The following PARD3 variants were observed in gnomAD, a reference collection of about 807,000 sequenced individuals.
The protein encoded by PARD3 is partitioning defective 3 homolog.
A neutral mutation model predicts 155.4 loss-of-function variants in PARD3; 75 were observed. The ratio of observed to expected loss-of-function variants is 0.48; its 90% confidence interval spans 0.40 to 0.58. PARD3 has a LOEUF of 0.58. Ranked by LOEUF, PARD3 falls within the 20% of genes least tolerant of loss-of-function variation. The probability of loss-of-function intolerance (pLI) is 0.00; values close to 1 mark genes in which losing one functional copy is unlikely to be tolerated. For synonymous variants in PARD3, 576 were observed against 610.5 expected (o/e 0.94, Z 0.83); for missense variants, 1,642 against 1,721.7 (o/e 0.95, Z 0.82).
At chr10:34,123,212 A>G (rs1186632753) in intron 23 of PARD3, among the ~76,000 whole-genome samples, 1 of 152,244 alleles carries the variant, frequency 6.6e-6, no homozygotes, top group East Asian at 1.9e-4. Context: ...ACACACGAGT[A>G]TATATTACAC....
rs1360392321 is a variant in PARD3 at position 34,605,956 on chromosome 10, ATATATCTCCTATATC to A, written c.223-88812_223-88798del. Among the ~76,000 whole-genome samples the A allele has an allele frequency of 9.8e-5, 12 of 122,616 alleles. No individual in the cohort carries two copies. In the South Asian group the frequency reaches 2.1e-3, roughly 22 times the overall value. The allele number at this position is 122,616 out of a possible 152,430, so 80.4% of individuals were successfully genotyped here. A position where few individuals can be genotyped will look rare whatever the true frequency, so the allele number is the denominator to read the frequency against. On this transcript the variant is annotated intron_variant, in intron 2 of 24. Coordinates refer to ENST00000374788, the MANE Select transcript of PARD3 (RefSeq NM_001184785.2). ...CTATATATATATATCTCCTATATAT[ATATATCTCCTATATC>A]TATATCTCCTATATATATATATCTC...
chr10:34,317,178 T>C lies in PARD3; in HGVS notation c.2994A>G (p.Lys998=), dbSNP rs1358784370. ...KKDKTGKEKK[K]DRDKEKDKMK... ...TTTTATCCTTCTCCTTATCTCTATC[T>C]TTCTTCTTTTCTTTTCCAGTTTTAT... The change falls in exon 20 of 25, where the codon AAA becomes AAG. Residue 998 remains lysine, a synonymous_variant. Coordinates refer to ENST00000374788, the MANE Select transcript of PARD3 (RefSeq NM_001184785.2). The C allele has an allele frequency of 6.2e-7, 1 of 1,609,760 alleles. No homozygotes were observed. Among genetic ancestry groups the C allele is most frequent in the Admixed American group, 1.7e-5 (1 of 59,320 alleles).
intron 16 of PARD3, among the ~76,000 whole-genome samples, chr10:34,340,033 T>G (rs1836635406): frequency 1.3e-5 from 2 of 152,218 alleles, no homozygotes; most frequent in Non-Finnish European, 2.9e-5. Context: ...TGGAAAAGCT[T>G]GCATTTTCTG....
At position 34,650,316 on chromosome 10, in the gene PARD3, G is replaced by A. The variant is rs899783313; in HGVS notation, c.222+46002C>T. 3.9e-5 allele frequency among the ~76,000 whole-genome samples: 6 copies of A among 152,318 alleles called. No homozygotes were observed. In the South Asian group the frequency reaches 1.0e-3, roughly 26 times the overall value. The stretch of plus-strand genomic sequence containing the variant: ...CTGCACTGCAGGTCGACACTACGAC[G>A]TCACTAGACAATAGGAACTTCTCAG... On this transcript the variant is annotated intron_variant, in intron 2 of 24. Transcript: ENST00000374788.
chr10:34,343,877 T>C, intron 15 of PARD3: 1 of 983,658 alleles, frequency 1.0e-6, no homozygotes, highest in African/African-American at 1.7e-5. Flanking sequence ...ACAAAATGTT[T>C]GTTTACTAAA....
chr10:34,461,916 A>C (rs2077677746), intron 4 of PARD3, among the ~76,000 whole-genome samples: 1 of 152,210 alleles, frequency 6.6e-6, no homozygotes, highest in Admixed American at 6.5e-5. Context: ...GGATTTTATC[A>C]CTTTGAACAC....
rs572926737 is a variant in PARD3 at position 34,158,833 on chromosome 10, A to G, written c.3420-27250T>C. 3.9e-5 allele frequency among the ~76,000 whole-genome samples: 6 copies of G among 152,350 alleles called. No individual in the cohort carries two copies. The East Asian group carries it at 7.7e-4, about 20-fold the overall frequency. ...TTAATTAATTGAAAGCTAAAGAGCC[A>G]AATGTGGCTGTGACTTCCATTGTGG... On this transcript the variant is annotated intron_variant, in intron 22 of 24. Coordinates refer to ENST00000374788, the MANE Select transcript of PARD3 (RefSeq NM_001184785.2).
intron 20 of PARD3, among the ~76,000 whole-genome samples, chr10:34,315,379 G>T (rs1957946574): frequency 6.6e-6 from 1 of 152,126 alleles, no homozygotes; most frequent in Admixed American, 6.5e-5. Flanking sequence ...GGAATTCTAA[G>T]ATATTAGAAG....
intron 22 of PARD3, among the ~76,000 whole-genome samples, chr10:34,212,021 CTT>C (rs34135178): frequency 2.0e-3 from 267 of 131,946 alleles, no homozygotes; most frequent in Middle Eastern, 3.8e-3. Context: ...GAGTGCTCAA[CTT>C]TTTTTTTTTT....
At chr10:34,151,619 C>A (rs1037768582) in intron 22 of PARD3, among the ~76,000 whole-genome samples, 2 of 152,076 alleles carry the variant, frequency 1.3e-5, no homozygotes, top group African/African-American at 4.8e-5. Context: ...TCACATCTCG[C>A]CAAGTCATAA....
chr10:34,668,896 T>C (rs1220093904), intron 2 of PARD3, among the ~76,000 whole-genome samples: 1 of 152,176 alleles, frequency 6.6e-6, no homozygotes, highest in Non-Finnish European at 1.5e-5. Flanking sequence ...AGATTGGGTA[T>C]TAATTCATTT....
At chr10:34,658,720 G>A (rs2093248505) in intron 2 of PARD3, among the ~76,000 whole-genome samples, 1 of 152,168 alleles carries the variant, frequency 6.6e-6, no homozygotes, top group South Asian at 2.1e-4. Context: ...CCTCCTGCCT[G>A]CCAGGCTCCA....
rs11009910 is a variant in PARD3, at chr10:34,741,483, C to A, written c.121-45064G>T. Reference sequence around the variant, plus strand: ...TACAGGCATGAGCCACTGTGCCCAGCCTATTTTTATTTATAAAAAGAAAAT... The same window carrying A: ...TACAGGCATGAGCCACTGTGCCCAGACTATTTTTATTTATAAAAAGAAAAT... On this transcript the variant is annotated intron_variant, in intron 1 of 24. Transcript: ENST00000374788. Among the ~76,000 whole-genome samples the A allele has an allele frequency of 9.4e-3, 1,431 of 152,136 alleles. 21 individuals are homozygous for A. The highest frequency in any genetic ancestry group is 0.032 in the African/African-American group (1,316 of 41,516).
chr10:34,765,733 C>T (rs763929010), intron 1 of PARD3, among the ~76,000 whole-genome samples: 5 of 151,844 alleles, frequency 3.3e-5, no homozygotes, highest in Admixed American at 2.6e-4. Context: ...GCAGTGATAT[C>T]GTTAAGCGCT....
At chr10:34,357,057 A>G (rs544439676) in intron 14 of PARD3, among the ~76,000 whole-genome samples, 1 of 152,332 alleles carries the variant, frequency 6.6e-6, no homozygotes, top group East Asian at 1.9e-4. Flanking sequence ...AATAAAACAC[A>G]GAGATATTTC....
chr10:34,287,343 C>T (rs1956449775), intron 20 of PARD3, among the ~76,000 whole-genome samples: 1 of 151,694 alleles, frequency 6.6e-6, no homozygotes, highest in African/African-American at 2.4e-5. Flanking sequence ...ACAATGTTGC[C>T]ATGTTGACTT....
At chr10:34,697,355 G>C (rs1418615323) in intron 1 of PARD3, among the ~76,000 whole-genome samples, 1 of 152,132 alleles carries the variant, frequency 6.6e-6, no homozygotes, top group Non-Finnish European at 1.5e-5. Flanking sequence ...CATACCTAAA[G>C]ATGATGTTTG....
At chr10:34,279,326 T>C (rs1484768031) in intron 21 of PARD3, among the ~76,000 whole-genome samples, 1 of 151,910 alleles carries the variant, frequency 6.6e-6, no homozygotes, top group Non-Finnish European at 1.5e-5. Context: ...CAATCAAGTA[T>C]TTATCGAAAT....
At chr10:34,228,927 C>G (rs1952766894) in intron 22 of PARD3, among the ~76,000 whole-genome samples, 1 of 151,984 alleles carries the variant, frequency 6.6e-6, no homozygotes, top group African/African-American at 2.4e-5. Context: ...CTGTAGTCAC[C>G]ACACCTCGTC....
Sources: gnomAD v4.1 joint callset for allele counts (sites outside exome capture counted in the v4.1 genomes callset) on GRCh38, gnomAD v4.1.1 for gene constraint, MANE v1.5 for transcripts, NCBI Gene and HGNC (gene_info 2026-07-23, HGNC 2026-07-21) for gene names.